Variants in NRXN3 observed in about 807,000 individuals in gnomAD.
NRXN3 encodes the protein neurexin III.
Under a neutral mutation model 137.6 loss-of-function variants are expected in NRXN3, and 32 were observed. That is an observed-to-expected ratio of 0.23 (90% CI 0.18 to 0.31). The LOEUF (loss-of-function observed/expected upper bound fraction) is 0.31. Among genes scored for constraint, NRXN3 ranks in the 10% least tolerant of loss-of-function variants. The probability of loss-of-function intolerance (pLI) is 1.00; values close to 1 mark genes in which losing one functional copy is unlikely to be tolerated. For synonymous variants in NRXN3, 798 were observed against 784.5 expected, an observed-to-expected ratio of 1.02 and a Z score of -0.29; for missense variants, 1,574 against 2,062.5, an observed-to-expected ratio of 0.76 and a Z score of 4.59.
At position 78,347,916 on chromosome 14, in the gene NRXN3, G is replaced by A. The variant is rs187348432; in HGVS notation, c.757+50056G>A. On this transcript the variant is annotated intron_variant, in intron 4 of 20. Transcript: ENST00000335750. ...GGGAAATACAAAGAAGAGTGGAGTC[G>A]TTGCAGAAGGGTTTGTGGAGGGGGC... is the stretch of plus-strand genomic sequence containing the variant. Among the ~76,000 whole-genome samples, 6 of 152,262 alleles carry A rather than the reference G, an allele frequency of 3.9e-5. No individual in the cohort carries two copies. The East Asian group carries it at 5.8e-4, about 15-fold the overall frequency.
intron 10 of NRXN3, among the ~76,000 whole-genome samples, chr14:78,892,474 T>G (rs1046772009): frequency 1.3e-5 from 2 of 151,678 alleles, no homozygotes; most frequent in Non-Finnish European, 2.9e-5. Context: ...CTTGTGAGTT[T>G]AGACATTGTT....
At chr14:78,411,726 C>T (rs2092839130) in intron 4 of NRXN3, among the ~76,000 whole-genome samples, 1 of 152,188 alleles carries the variant, frequency 6.6e-6, no homozygotes. Context: ...TCAAAATCCA[C>T]CAGTGCAGTT....
chr14:79,718,609 G>C (rs1306181546), intron 19 of NRXN3, among the ~76,000 whole-genome samples: 1 of 152,158 alleles, frequency 6.6e-6, no homozygotes. Context: ...ATAGCAGCCA[G>C]GCCCCCACTA....
chr14:79,690,187 T>C (rs1446606116), intron 17 of NRXN3, among the ~76,000 whole-genome samples: 1 of 152,176 alleles, frequency 6.6e-6, no homozygotes, highest in Non-Finnish European at 1.5e-5. Context: ...GGTAGGATTA[T>C]GAGTTATAGA....
chr14:79,842,609 T>C (rs1012673195), intron 20 of NRXN3, among the ~76,000 whole-genome samples: 7 of 152,288 alleles, frequency 4.6e-5, no homozygotes, highest in Admixed American at 3.9e-4. Context: ...TTGGATACTT[T>C]AAGAAATAAA....
At chr14:79,580,180 T>C (rs2097701261) in intron 16 of NRXN3, among the ~76,000 whole-genome samples, 1 of 152,196 alleles carries the variant, frequency 6.6e-6, no homozygotes, top group African/African-American at 2.4e-5. Context: ...TCCTTATCCT[T>C]GCATCTATTG....
At chr14:78,800,489 G>A (rs1376546653) in intron 8 of NRXN3, among the ~76,000 whole-genome samples, 1 of 152,068 alleles carries the variant, frequency 6.6e-6, no homozygotes, top group Non-Finnish European at 1.5e-5. Context: ...AATTTAGATT[G>A]TTTCCAATCT....
chr14:78,171,352 G>GTT (rs1237724680), intron 1 of NRXN3, among the ~76,000 whole-genome samples: 1 of 151,710 alleles, frequency 6.6e-6, no homozygotes, highest in Non-Finnish European at 1.5e-5. Flanking sequence ...GTGTGTGTGT[G>GTT]TGTGTGTGCG....
At chr14:78,516,476 G>T (rs1408009383) in intron 4 of NRXN3, among the ~76,000 whole-genome samples, 1 of 151,160 alleles carries the variant, frequency 6.6e-6, no homozygotes, top group East Asian at 1.9e-4. Flanking sequence ...TGCTTAGATT[G>T]CCCATCTTGG....
chr14:78,292,079 T>C (rs1445166892), intron 3 of NRXN3, among the ~76,000 whole-genome samples: 1 of 152,214 alleles, frequency 6.6e-6, no homozygotes, highest in Non-Finnish European at 1.5e-5. Context: ...GATGGAGGCC[T>C]TCAACTTCTG....
chr14:79,357,688 C>T (rs2093474840), intron 15 of NRXN3, among the ~76,000 whole-genome samples: 1 of 152,020 alleles, frequency 6.6e-6, no homozygotes, highest in African/African-American at 2.4e-5. Flanking sequence ...CCTTTATTTC[C>T]AGGATTTAAG....
intron 15 of NRXN3, among the ~76,000 whole-genome samples, chr14:79,059,035 C>T (rs1026926230): frequency 1.7e-4 from 26 of 152,062 alleles, no homozygotes; most frequent in Non-Finnish European, 3.2e-4. Flanking sequence ...TGAACTAATA[C>T]AGTATGTAAA....
At chr14:79,468,145 T>G (rs2096454731) in intron 16 of NRXN3, among the ~76,000 whole-genome samples, 1 of 152,224 alleles carries the variant, frequency 6.6e-6, no homozygotes, top group Non-Finnish European at 1.5e-5. Flanking sequence ...CTTGTACATA[T>G]GCACTTAATA....
intron 4 of NRXN3, among the ~76,000 whole-genome samples, chr14:78,442,241 T>TG (rs1322091732): frequency 2.7e-5 from 4 of 146,600 alleles, no homozygotes; most frequent in African/African-American, 1.0e-4. Context: ...TACTCCAGCC[T>TG]GGGCAACAGA....
intron 15 of NRXN3, among the ~76,000 whole-genome samples, chr14:79,165,679 T>C (rs1399524421): frequency 1.3e-5 from 2 of 151,986 alleles, no homozygotes; most frequent in African/African-American, 4.8e-5. Context: ...GTGCAGTCAT[T>C]AGACTGCACA....
intron 4 of NRXN3, among the ~76,000 whole-genome samples, chr14:78,462,530 C>T (rs555191041): frequency 3.5e-4 from 53 of 152,266 alleles, no homozygotes; most frequent in African/African-American, 1.1e-3. Context: ...TTAGATTGCA[C>T]GCCAGGATGT....
At chr14:79,473,609 G>A (rs2096533959) in intron 16 of NRXN3, among the ~76,000 whole-genome samples, 1 of 152,178 alleles carries the variant, frequency 6.6e-6, no homozygotes, top group East Asian at 1.9e-4. Flanking sequence ...ACAGAAGAAT[G>A]TTGGTGTTTT....
chr14:79,591,685 T>G (rs2097804507), intron 16 of NRXN3, among the ~76,000 whole-genome samples: 1 of 152,226 alleles, frequency 6.6e-6, no homozygotes, highest in Admixed American at 6.5e-5. Context: ...AGATTTTCAC[T>G]TATTGATATG....
chr14:78,868,860 C>T (rs1487008783), intron 10 of NRXN3, among the ~76,000 whole-genome samples: 3 of 151,796 alleles, frequency 2.0e-5, no homozygotes, highest in African/African-American at 7.3e-5. Flanking sequence ...AAAAAAGAAA[C>T]ATAGCTTTGC....
Sources: gnomAD v4.1 joint callset for allele counts (sites outside exome capture counted in the v4.1 genomes callset) on GRCh38, gnomAD v4.1.1 for gene constraint, MANE v1.5 for transcripts, NCBI Gene and HGNC (gene_info 2026-07-23, HGNC 2026-07-21) for gene names.